Variants in SYT5 observed in about 807,000 individuals in gnomAD.
The protein encoded by SYT5 is synaptotagmin-5.
Under a neutral mutation model 36.0 loss-of-function variants are expected in SYT5, and 29 were observed. That is an observed-to-expected ratio of 0.81 (90% CI 0.60 to 1.10). SYT5 has a LOEUF of 1.10. SYT5 is among the 50% of genes least tolerant of loss of function. The pLI, the probability that SYT5 is intolerant of heterozygous loss-of-function variation, is 0.00. For missense variants in SYT5, 512 were observed against 516.0 expected (o/e 0.99, Z 0.08); for synonymous variants, 231 against 227.6 (o/e 1.02, Z -0.14).
At chr19:55,176,805 A>C (rs1178286167) in intron 3 of SYT5, among the ~76,000 whole-genome samples, 2 of 152,160 alleles carry the variant, frequency 1.3e-5, no homozygotes, top group Non-Finnish European at 2.9e-5. Flanking sequence ...AGGACCCTAA[A>C]TAGCATCCTT....
At chr19:55,174,741 A>T in intron 7 of SYT5, 91 bp from the exon 8 acceptor site, 1 of 1,590,704 alleles carries the variant, frequency 6.3e-7, no homozygotes, top group Non-Finnish European at 8.6e-7. Flanking sequence ...GGGTCTCCCT[A>T]GCTCTATGCC....
In SYT5 at chr19:55,172,181, G is replaced by C. The variant is rs2086011449; in HGVS notation, c.*1303C>G. 1 of 152,200 alleles carries C rather than the reference G, an allele frequency of 6.6e-6. No homozygotes were observed. The allele number at this position is 152,200 out of a possible 1,614,324, so 9.4% of individuals were successfully genotyped here. On this transcript the variant is annotated 3_prime_UTR_variant, in exon 9 of 9. Coordinates refer to ENST00000354308, the MANE Select transcript of SYT5 (RefSeq NM_003180.3). Reference sequence around the variant, plus strand: ...CACGCCTGTAATCCTAGCACATTGGGAGGCCGAGGCGGGCGGATCACGAGG... The same window carrying C: ...CACGCCTGTAATCCTAGCACATTGGCAGGCCGAGGCGGGCGGATCACGAGG...
Position 55,178,950 on chromosome 19 carries a change from G to T in SYT5, c.79+13C>A, listed in dbSNP as rs202107730. The T allele has an allele frequency of 1.3e-6, 2 of 1,495,808 alleles. No homozygotes were observed. The highest frequency in any genetic ancestry group is 2.5e-5 in the East Asian group (1 of 40,194). 92.7% of individuals were successfully genotyped at this position (1,495,808 alleles called of 1,614,324 possible). On this transcript the variant is annotated intron_variant, in intron 2 of 8. Transcript: ENST00000354308. ...TCTCTCTGCTCGGCCCCCCACCCCC[G>T]GGTCTTGCTCACCTGGGCCGTGGCT...
intron 3 of SYT5, chr19:55,177,287 T>G (rs964622005): frequency 6.6e-6 from 1 of 152,194 alleles, no homozygotes; most frequent in African/African-American, 2.4e-5. Context: ...GAGAAATGAC[T>G]CTTTGTTCCC....
chr19:55,174,341 G>A (rs1474096217), intron 8 of SYT5, among the ~76,000 whole-genome samples, 176 bp downstream of exon 8: 1 of 121,696 alleles, frequency 8.2e-6, no homozygotes, highest in Non-Finnish European at 1.7e-5. Context: ...CAATTTTAAG[G>A]AGTCTCTTCC....
rs528875339 is a variant in SYT5 at position 55,172,122 on chromosome 19, G to T, written c.*1362C>A. On this transcript the variant is annotated 3_prime_UTR_variant, in exon 9 of 9. Coordinates refer to ENST00000354308, the MANE Select transcript of SYT5 (RefSeq NM_003180.3). Reference sequence around the variant, plus strand: ...AGAAGAGAAGAAAAGAAATAGAAAAGAAAAGAAAAGAAGAAGGGCCGGGCG... The same window carrying T: ...AGAAGAGAAGAAAAGAAATAGAAAATAAAAGAAAAGAAGAAGGGCCGGGCG... The T allele has an allele frequency of 2.7e-3, 403 of 151,868 alleles. 4 individuals carry two copies. Among genetic ancestry groups the T allele is most frequent in the African/African-American group, 9.2e-3 (380 of 41,404 alleles). 9.4% of individuals were successfully genotyped at this position (151,868 alleles called of 1,614,324 possible). A position where few individuals can be genotyped will look rare whatever the true frequency, so the allele number is the denominator to read the frequency against.
rs114557573 is a variant in SYT5 at position 55,179,244 on chromosome 19, G to A, written c.-45-158C>T. The A allele has an allele frequency of 9.8e-4, 1,451 of 1,485,102 alleles. 9 individuals are homozygous for A. The African/African-American group carries it at 0.017, about 18-fold the overall frequency. The allele number at this position is 1,485,102 out of a possible 1,614,324, so 92.0% of individuals were successfully genotyped here. ...GTATCAGCCTCCCCGCACTTGAGAG[G>A]GGGTGTCCAGGACCTAGTTCCATCC... is the stretch of plus-strand genomic sequence containing the variant. On this transcript the variant is annotated intron_variant, in intron 1 of 8. Coordinates refer to ENST00000354308, the MANE Select transcript of SYT5 (RefSeq NM_003180.3). This position sits in a 1 kb window ranked among gnomAD's most constrained non-coding sequence, Gnocchi z 4.5.
chr19:55,175,600 T>C lies in SYT5; in HGVS notation c.540+109A>G. The C allele has an allele frequency of 7.0e-7, 1 of 1,421,908 alleles. No homozygotes were observed. The highest frequency in any genetic ancestry group is 2.3e-5 in the East Asian group (1 of 43,644). 88.1% of individuals were successfully genotyped at this position (1,421,908 alleles called of 1,614,324 possible). ...GTGGAATAGCCCCAGAGCTGGTAGC[T>C]GCCACCTGAGCTGTGGCCGCCTCCA... On this transcript the variant is annotated intron_variant, in intron 5 of 8. Transcript: ENST00000354308. The surrounding 1 kb of genome is among the most constrained non-coding windows in gnomAD (Gnocchi z 4.5).
Position 55,179,342 on chromosome 19 carries a change from A to T in SYT5, c.-45-256T>A, listed in dbSNP as rs2086119654. The T allele has an allele frequency of 9.0e-7, 1 of 1,105,078 alleles. No individual in the cohort carries two copies. Among genetic ancestry groups the T allele is most frequent in the African/African-American group, 1.6e-5 (1 of 61,020 alleles). The allele number at this position is 1,105,078 out of a possible 1,614,324, so 68.5% of individuals were successfully genotyped here. The stretch of plus-strand genomic sequence containing the variant: ...TTCTGCCTCGTCCTCGCCCCTCCGC[A>T]GGGTCTGAACCGGAAGCGGGCGAAG... On this transcript the variant is annotated intron_variant, in intron 1 of 8. Coordinates refer to ENST00000354308, the MANE Select transcript of SYT5 (RefSeq NM_003180.3). The surrounding 1 kb of genome is among the most constrained non-coding windows in gnomAD (Gnocchi z 4.5).
intron 3 of SYT5, among the ~76,000 whole-genome samples, chr19:55,176,693 G>A (rs1010172980): frequency 6.6e-6 from 1 of 152,166 alleles, no homozygotes; most frequent in African/African-American, 2.4e-5. Flanking sequence ...TAGGTCAGGT[G>A]CTAGTGCCAG....
At position 55,173,521 on chromosome 19, in the gene SYT5, C is replaced by A. The variant is rs1162715552; in HGVS notation, c.1124G>T (p.Arg375Leu). 1 of 1,405,706 alleles carries A rather than the reference C, an allele frequency of 7.1e-7. No homozygotes were observed. Among genetic ancestry groups the A allele is most frequent in the South Asian group, 1.6e-5 (1 of 63,226 alleles). 87.1% of individuals were successfully genotyped at this position (1,405,706 alleles called of 1,614,324 possible). ...RRPIAQWHSLRPPDRVRLLPA... is the reference protein window; with the variant it reads ...RRPIAQWHSLLPPDRVRLLPA... ...CAGCAGCCTCACTCGGTCCGGGGGC[C>A]GCAGCGAGTGCCACTGGGCAATGGG... Residue 375 changes from arginine (R) to leucine (L), a missense_variant, in exon 9 of 9, where the codon CGG becomes CTG. Arg to Leu is a moderately radical substitution (Grantham distance 102). Transcript: ENST00000354308. The surrounding 1 kb of genome is among the most constrained non-coding windows in gnomAD (Gnocchi z 5.4).
Position 55,175,563 on chromosome 19 carries a change from G to T in SYT5, c.540+146C>A. 1.7e-6 allele frequency: 2 copies of T among 1,199,354 alleles called. No individual in the cohort carries two copies. 74.3% of individuals were successfully genotyped at this position (1,199,354 alleles called of 1,614,324 possible). On this transcript the variant is annotated intron_variant, in intron 5 of 8. Coordinates refer to ENST00000354308, the MANE Select transcript of SYT5 (RefSeq NM_003180.3). The surrounding 1 kb of genome is among the most constrained non-coding windows in gnomAD (Gnocchi z 4.5). ...AGGCTACAGCCCAGGAGTCAGTAGT[G>T]CCCAGGGTCCAGTGGAATAGCCCCA...
At chr19:55,174,357 T>C (rs2086045803) in intron 8 of SYT5, among the ~76,000 whole-genome samples, 160 bp downstream of exon 8, 1 of 148,524 alleles carries the variant, frequency 6.7e-6, no homozygotes, top group Non-Finnish European at 1.5e-5. Flanking sequence ...CTTCCTGGAG[T>C]GGAAGAGGCT....
Position 55,175,817 on chromosome 19 carries a change from C to A in SYT5, c.432G>T (p.Ser144=). The change falls in exon 5 of 9, where the codon TCG becomes TCT. Residue 144 remains serine, a synonymous_variant. Transcript: ENST00000354308. This position sits in a 1 kb window ranked among gnomAD's most constrained non-coding sequence, Gnocchi z 4.5. The stretch of plus-strand genomic sequence containing the variant: ...GCAGGTAGACCCGCACATAGGGGTC[C>A]GAGGAGCCACCAAGATCCAAGGCTG... ...GLAALDLGGS[S]DPYVRVYLLP... 6.2e-7 allele frequency: 1 copy of A among 1,614,124 alleles called. No homozygotes were observed.
rs775772898 is a variant in SYT5 at position 55,178,971 on chromosome 19, T to A, written c.71A>T (p.His24Leu). 1.3e-6 allele frequency: 2 copies of A among 1,565,436 alleles called. No individual in the cohort carries two copies. Among genetic ancestry groups the A allele is most frequent in the Non-Finnish European group, 1.7e-6 (2 of 1,156,184 alleles). ...CCCCGGGTCTTGCTCACCTGGGCCG[T>A]GGCTGATGCGACTGGAGTCGGGAGG... ...DTPPDSSRIS[H>L]GPVPPWALAT... The change falls in exon 2 of 9, where the codon CAC becomes CTC. Residue 24 changes from histidine to leucine, a missense_variant. Coordinates refer to ENST00000354308, the MANE Select transcript of SYT5 (RefSeq NM_003180.3).
chr19:55,176,434 A>G (rs79987561), intron 3 of SYT5, among the ~76,000 whole-genome samples: 11,594 of 152,224 alleles, frequency 0.076, 974 homozygotes, highest in Admixed American at 0.24. Flanking sequence ...TGCAGGTTTT[A>G]TTTCACATGC....
intron 3 of SYT5, chr19:55,177,078 C>T (rs2086084703): frequency 6.6e-6 from 1 of 152,618 alleles, no homozygotes; most frequent in African/African-American, 2.4e-5. Flanking sequence ...CTTTTATCCT[C>T]TCCAGGCTGC....
rs201345634 is a variant in SYT5, at chr19:55,175,221, C to T, written c.659G>A (p.Gly220Glu). 9.8e-5 allele frequency: 158 copies of T among 1,611,136 alleles called. 1 individual carries two copies. The highest frequency in any genetic ancestry group is 1.1e-5 in the South Asian group (1 of 90,726). ...CTCCCGCCAGGCCTGCACTGGCCGCCCCAGGTCCACGGAGCTCATAGGGAC... is the reference window on the plus strand; with the variant it reads ...CTCCCGCCAGGCCTGCACTGGCCGCTCCAGGTCCACGGAGCTCATAGGGAC... ...VRVPMSSVDL[G>E]RPVQAWRELQ... Residue 220 changes from glycine to glutamate, a missense_variant, in exon 6 of 9, where the codon GGG becomes GAG. Gly to Glu is a moderately conservative substitution (Grantham distance 98). Transcript: ENST00000354308. This position sits in a 1 kb window ranked among gnomAD's most constrained non-coding sequence, Gnocchi z 4.5.
rs1416460202 is a variant in SYT5, at chr19:55,171,270, A to G, written c.*2214T>C. 6.6e-6 allele frequency: 1 copy of G among 151,988 alleles called. No individual in the cohort carries two copies. Among genetic ancestry groups the G allele is most frequent in the East Asian group, 1.9e-4 (1 of 5,186 alleles). 9.4% of individuals were successfully genotyped at this position (151,988 alleles called of 1,614,324 possible). ...TATTATTGGCAGTAATAGTAGTAAC[A>G]TAAAGGGCTGTCTTCATAAAGACAT... is the stretch of plus-strand genomic sequence containing the variant. On this transcript the variant is annotated 3_prime_UTR_variant, in exon 9 of 9. Transcript: ENST00000354308.
Sources: gnomAD v4.1 joint callset for allele counts (sites outside exome capture counted in the v4.1 genomes callset) on GRCh38, gnomAD v4.1.1 for gene constraint, Gnocchi (gnomAD v3.1) non-coding constraint, MANE v1.5 for transcripts, NCBI Gene and HGNC (gene_info 2026-07-23, HGNC 2026-07-21) for gene names.